PPP1R9A: variants seen among roughly 807,000 people sequenced by gnomAD.
PPP1R9A encodes protein phosphatase 1 regulatory subunit 9A.
A neutral mutation model predicts 141.9 loss-of-function variants in PPP1R9A; 59 were observed. The observed-to-expected ratio is 0.42, with a 90% CI of 0.34 to 0.52. The LOEUF is 0.52. Ranked by LOEUF, PPP1R9A falls within the 20% of genes least tolerant of loss-of-function variation. The pLI is 0.10. For missense variants in PPP1R9A, 1,444 were observed against 1,611.9 expected, an observed-to-expected ratio of 0.90 and a Z score of 1.78; for synonymous variants, 500 against 569.7, an observed-to-expected ratio of 0.88 and a Z score of 1.74.
At position 94,926,630 on chromosome 7, in the gene PPP1R9A, C is replaced by T. The variant is rs561760399; in HGVS notation, c.1395+15122C>T. On this transcript the variant is annotated intron_variant, in intron 2 of 19. Transcript: ENST00000433360. ...TTCTTTTACTATTTAGTCTTTTTGT[C>T]TTCCTTTTATTTCCTGACTTGTTTA... Among the ~76,000 whole-genome samples the T allele has an allele frequency of 2.6e-5, 4 of 152,002 alleles. No individual in the cohort carries two copies. In the South Asian group the frequency reaches 6.2e-4, roughly 24 times the overall value.
chr7:95,054,282 AT>A (rs201366654), intron 2 of PPP1R9A, among the ~76,000 whole-genome samples: 19,483 of 143,056 alleles, frequency 0.14, 2,312 homozygotes, highest in African/African-American at 0.33. Context: ...CGCCCAGCTA[AT>A]TTTTTTTTTT....
At chr7:95,009,459 G>C (rs950304580) in intron 2 of PPP1R9A, among the ~76,000 whole-genome samples, 5 of 152,170 alleles carry the variant, frequency 3.3e-5, no homozygotes, top group Non-Finnish European at 7.3e-5. Flanking sequence ...TGCTACCAGT[G>C]GCTAGGTAGT....
At chr7:94,940,015 A>G (rs1795169538) in intron 2 of PPP1R9A, among the ~76,000 whole-genome samples, 4 of 152,046 alleles carry the variant, frequency 2.6e-5, no homozygotes, top group Admixed American at 2.6e-4. Context: ...CCCCTAGGAC[A>G]TAATAACTGC....
chr7:95,230,836 A>G (rs1331302417), intron 8 of PPP1R9A, among the ~76,000 whole-genome samples: 1 of 152,168 alleles, frequency 6.6e-6, no homozygotes, highest in Non-Finnish European at 1.5e-5. Context: ...GACCTTTATA[A>G]CAATAGCACA....
chr7:95,243,604 A>G (rs1283526455), intron 8 of PPP1R9A, among the ~76,000 whole-genome samples: 1 of 152,144 alleles, frequency 6.6e-6, no homozygotes, highest in African/African-American at 2.4e-5. Flanking sequence ...GATTAAATGA[A>G]AAATATATCC....
chr7:95,251,714 C>G (rs540565174), intron 10 of PPP1R9A, 48 bp from the exon 11 acceptor site: 7 of 1,528,420 alleles, frequency 4.6e-6, no homozygotes, highest in East Asian at 2.3e-5. Flanking sequence ...TAAGAACTTT[C>G]ATTTATTGAG....
chr7:95,105,063 C>A (rs1819320050), intron 2 of PPP1R9A, among the ~76,000 whole-genome samples: 1 of 152,304 alleles, frequency 6.6e-6, no homozygotes, highest in Non-Finnish European at 1.5e-5. Context: ...AGAACCTGGA[C>A]CATAGCCTGA....
intron 8 of PPP1R9A, among the ~76,000 whole-genome samples, chr7:95,237,183 T>G (rs13308742): frequency 7.5e-6 from 1 of 133,294 alleles, no homozygotes. Flanking sequence ...ATATATATTT[T>G]TTTTTTTTTA....
chr7:94,910,320 A>G lies in PPP1R9A; in HGVS notation c.207A>G (p.Leu69=), dbSNP rs777610113. Residue 69 remains leucine (L), a synonymous_variant, in exon 2 of 20, where the codon CTA becomes CTG. Coordinates refer to ENST00000433360, the MANE Select transcript of PPP1R9A (RefSeq NM_001166160.2). The surrounding 1 kb of genome is among the most constrained non-coding windows in gnomAD (Gnocchi z 4.5). ...YGSNVNRIKN[L]FMQMGMEPNE... ...CCAATGTCAACAGAATTAAAAACCT[A>G]TTTATGCAGATGGGTATGGAACCCA... is the stretch of plus-strand genomic sequence containing the variant. 2.6e-5 allele frequency: 42 copies of G among 1,613,964 alleles called. No homozygotes were observed. The highest frequency in any genetic ancestry group is 3.1e-5 in the Non-Finnish European group (36 of 1,180,000).
At chr7:95,007,098 G>A (rs1333782609) in intron 2 of PPP1R9A, among the ~76,000 whole-genome samples, 1 of 152,140 alleles carries the variant, frequency 6.6e-6, no homozygotes, top group African/African-American at 2.4e-5. Context: ...CCGACCTCAG[G>A]TGATCCGCCC....
intron 2 of PPP1R9A, among the ~76,000 whole-genome samples, chr7:95,085,796 A>G (rs945816094): frequency 6.6e-6 from 1 of 152,014 alleles, no homozygotes; most frequent in Non-Finnish European, 1.5e-5. Context: ...ATGTTTCCTT[A>G]TAATACAGGA....
At chr7:95,231,702 A>G (rs143113034) in intron 8 of PPP1R9A, among the ~76,000 whole-genome samples, 16 of 152,262 alleles carry the variant, frequency 1.1e-4, no homozygotes, top group African/African-American at 3.4e-4. Flanking sequence ...ATATGATAAT[A>G]GTGACACAAC....
chr7:95,251,197 T>C (rs973019662), intron 10 of PPP1R9A, among the ~76,000 whole-genome samples: 3 of 152,214 alleles, frequency 2.0e-5, no homozygotes, highest in Non-Finnish European at 4.4e-5. Context: ...GAAATAATTT[T>C]ATAGTAAATT....
At chr7:95,256,907 C>G (rs1585493392) in intron 12 of PPP1R9A, among the ~76,000 whole-genome samples, 1 of 151,966 alleles carries the variant, frequency 6.6e-6, no homozygotes, top group Non-Finnish European at 1.5e-5. Flanking sequence ...ATCTCAAGAC[C>G]CATGGAAAGA....
intron 2 of PPP1R9A, among the ~76,000 whole-genome samples, chr7:94,939,901 C>T (rs911780423): frequency 2.0e-5 from 3 of 151,804 alleles, no homozygotes; most frequent in East Asian, 1.9e-4. Context: ...CACCTAAACA[C>T]ACTATCTCTT....
intron 2 of PPP1R9A, among the ~76,000 whole-genome samples, chr7:95,053,546 C>T (rs1461381288): frequency 6.6e-6 from 1 of 152,236 alleles, no homozygotes; most frequent in East Asian, 1.9e-4. Flanking sequence ...TTGGAAACTG[C>T]GTAGAAAGCC....
intron 9 of PPP1R9A, among the ~76,000 whole-genome samples, chr7:95,248,425 T>C (rs944880401): frequency 1.4e-4 from 22 of 152,010 alleles, no homozygotes; most frequent in Admixed American, 1.1e-3. Context: ...TCTGCAGCTC[T>C]TTAGTCAAAA....
chr7:94,942,758 C>G (rs1395691461), intron 2 of PPP1R9A, among the ~76,000 whole-genome samples: 1 of 151,582 alleles, frequency 6.6e-6, no homozygotes, highest in African/African-American at 2.4e-5. Context: ...GAGCCAAGAT[C>G]GCACCACTGC....
At chr7:95,218,008 G>A (rs569879574) in intron 7 of PPP1R9A, among the ~76,000 whole-genome samples, 1 of 152,180 alleles carries the variant, frequency 6.6e-6, no homozygotes, top group East Asian at 1.9e-4. Context: ...CTTGTCTTCT[G>A]CTAGCTTTTG....
Sources: allele counts gnomAD v4.1 joint callset (sites outside exome capture counted in the v4.1 genomes callset), GRCh38; gene constraint gnomAD v4.1.1; non-coding constraint Gnocchi (gnomAD v3.1); transcripts MANE v1.5; gene names NCBI Gene and HGNC (gene_info 2026-07-23, HGNC 2026-07-21).